TIAM1: variants seen among roughly 807,000 people sequenced by gnomAD.
The protein encoded by TIAM1 is rho guanine nucleotide exchange factor TIAM1.
In TIAM1, 65 loss-of-function variants were observed where a neutral mutation model predicts 163.5. The observed-to-expected ratio is 0.40, with a 90% CI of 0.33 to 0.49. The LOEUF (loss-of-function observed/expected upper bound fraction) is 0.49. Among genes scored for constraint, TIAM1 ranks in the 20% least tolerant of loss-of-function variants. TIAM1 has a pLI of 0.77. For synonymous variants in TIAM1, 833 were observed against 810.1 expected (o/e 1.03, Z -0.48); for missense variants, 1,789 against 2,044.7 (o/e 0.87, Z 2.41).
chr21:31,141,064 C>G lies in TIAM1; in HGVS notation c.3774+54G>C, dbSNP rs1348813047. On this transcript the variant is annotated intron_variant, in intron 22 of 27. Transcript: ENST00000541036. This position sits in a 1 kb window ranked among gnomAD's most constrained non-coding sequence, Gnocchi z 4.7. The stretch of plus-strand genomic sequence containing the variant: ...TAAAAAATAAATAAATAAATAAAAG[C>G]AAACTCAAACTCGGCTTTCCTGACA... 17 of 1,367,994 alleles carry G rather than the reference C, an allele frequency of 1.2e-5. No individual in the cohort carries two copies. In the African/African-American group the frequency reaches 2.5e-4, roughly 20 times the overall value. The allele number at this position is 1,367,994 out of a possible 1,614,324, so 84.7% of individuals were successfully genotyped here. A position where few individuals can be genotyped will look rare whatever the true frequency, so the allele number is the denominator to read the frequency against.
At chr21:31,172,094 A>G (rs757695106) in intron 15 of TIAM1, among the ~76,000 whole-genome samples, 35 of 152,170 alleles carry the variant, frequency 2.3e-4, no homozygotes, top group Non-Finnish European at 3.5e-4. Context: ...TAGATAACCA[A>G]TAAGTGGTGA....
chr21:31,347,807 C>T (rs1328930508), upstream of TIAM1, among the ~76,000 whole-genome samples: 2 of 140,860 alleles, frequency 1.4e-5, no homozygotes, highest in Non-Finnish European at 2.9e-5. Flanking sequence ...CAAACCCTGA[C>T]AACTTTATGC....
chr21:31,449,962 G>A (rs1430929874), intron 2 of TIAM1, among the ~76,000 whole-genome samples: 5 of 152,134 alleles, frequency 3.3e-5, no homozygotes, highest in Admixed American at 2.0e-4. Flanking sequence ...GGGCCTGGGG[G>A]ACTTCCTTTG....
At chr21:31,430,219 AAAAAAAAT>A (rs1409216497) in intron 2 of TIAM1, among the ~76,000 whole-genome samples, 121 of 110,958 alleles carry the variant, frequency 1.1e-3, no homozygotes, top group African/African-American at 5.2e-3. Flanking sequence ...AGAAAAAAAA[AAAAAAAAT>A]ATATATATAT....
At chr21:31,267,036 T>C in intron 3 of TIAM1, 53 bp from the exon 4 acceptor site, 1 of 1,518,834 alleles carries the variant, frequency 6.6e-7, no homozygotes, top group South Asian at 1.3e-5. Flanking sequence ...AGTACAGGTA[T>C]AGGCATCTTA....
At chr21:31,422,462 T>G (rs1168780012) in intron 2 of TIAM1, among the ~76,000 whole-genome samples, 2 of 152,104 alleles carry the variant, frequency 1.3e-5, no homozygotes, top group African/African-American at 4.8e-5. Context: ...CCACCCAAGA[T>G]CCTGATGCAA....
At position 31,202,960 on chromosome 21, in the gene TIAM1, T is replaced by C. The variant is rs1166861045; in HGVS notation, c.2441A>G (p.Glu814Gly). The change falls in exon 12 of 28, where the codon GAA (glutamate) becomes GGA (glycine). Residue 814 changes from glutamate to glycine, a missense_variant. By Grantham distance (98) the Glu-to-Gly change is moderately conservative (BLOSUM62 -2). Coordinates refer to ENST00000541036, the MANE Select transcript of TIAM1 (RefSeq NM_001353694.2). ...TGGAACATAGAGCTGCATTTTGTTT[T>C]CTATTAGAAATTTCAGGCGCAGGTA... ...AHYLRLKFLI[E>G]NKMQLYVPQP... 1.2e-6 allele frequency: 2 copies of C among 1,614,198 alleles called. No homozygotes were observed. Among genetic ancestry groups the C allele is most frequent in the East Asian group, 4.5e-5 (2 of 44,880 alleles).
At chr21:31,518,416 T>G (rs1012038124) in intron 1 of TIAM1, among the ~76,000 whole-genome samples, 1 of 152,064 alleles carries the variant, frequency 6.6e-6, no homozygotes, top group African/African-American at 2.4e-5. Flanking sequence ...GCCTCCCAAG[T>G]AGCTGAGATT....
At chr21:31,552,206 C>T (rs944753300) in intron 1 of TIAM1, among the ~76,000 whole-genome samples, 3 of 151,552 alleles carry the variant, frequency 2.0e-5, no homozygotes, top group South Asian at 2.1e-4. Flanking sequence ...TACAGGTGTG[C>T]GCCACCACAC....
In TIAM1 at chr21:31,133,287, A is replaced by G. The variant is rs116043138; in HGVS notation, c.3884-2339T>C. 3.6e-3 allele frequency among the ~76,000 whole-genome samples: 546 copies of G among 151,886 alleles called. 4 individuals are homozygous for G. Among genetic ancestry groups the G allele is most frequent in the African/African-American group, 0.013 (518 of 41,396 alleles). On this transcript the variant is annotated intron_variant, in intron 23 of 27. Coordinates refer to ENST00000541036, the MANE Select transcript of TIAM1 (RefSeq NM_001353694.2). Reference sequence around the variant, plus strand: ...AATCCTTCCCCTTCTCTTTCCTATTACTCTGGAGAGGATTCTGAATAATGA... The same window carrying G: ...AATCCTTCCCCTTCTCTTTCCTATTGCTCTGGAGAGGATTCTGAATAATGA...
intron 1 of TIAM1, among the ~76,000 whole-genome samples, chr21:31,545,593 C>A (rs2048461391): frequency 1.3e-5 from 2 of 152,018 alleles, no homozygotes; most frequent in Admixed American, 6.6e-5. Flanking sequence ...AGACTAGTGT[C>A]TAAGGAGAAA....
Position 31,317,013 on chromosome 21 carries a change from GATA to G in TIAM1, c.-189+22227_-189+22229del, listed in dbSNP as rs556786027. 3.0e-4 allele frequency among the ~76,000 whole-genome samples: 45 copies of G among 152,022 alleles called. No homozygotes were observed. In the South Asian group the frequency reaches 4.8e-3, roughly 16 times the overall value. ...CACAACCTCAAATCCTATATTTACCGATAATAAAGCTGAGCTTTTGGTCTCCAC... is the reference window on the plus strand; with the variant it reads ...CACAACCTCAAATCCTATATTTACCGATAAAGCTGAGCTTTTGGTCTCCAC... On this transcript the variant is annotated intron_variant, in intron 2 of 27. Coordinates refer to ENST00000541036, the MANE Select transcript of TIAM1 (RefSeq NM_001353694.2).
intron 2 of TIAM1, among the ~76,000 whole-genome samples, chr21:31,411,434 G>A (rs1425290117): frequency 1.3e-5 from 2 of 150,886 alleles, no homozygotes; most frequent in Non-Finnish European, 2.9e-5. Context: ...AGCAGCCGTG[G>A]AAGATAAATG....
At position 31,120,517 on chromosome 21, in the gene TIAM1, G is replaced by A. The variant is rs191230748; in HGVS notation, c.4627C>T (p.Leu1543=). The change falls in exon 28 of 28, where the codon CTG becomes TTG. Residue 1543 remains leucine (L), a synonymous_variant. Transcript: ENST00000541036. This position sits in a 1 kb window ranked among gnomAD's most constrained non-coding sequence, Gnocchi z 4.2. ...GCCATGCGGGACGCGTGACTATCCA[G>A]GGTTTTCCGGCCTCTTTCCCGCTGA... ...ISQRERGRKT[L]DSHASRMAQL... is the part of the protein sequence containing the mutation. 6 of 1,614,222 alleles carry A rather than the reference G, an allele frequency of 3.7e-6. No homozygotes were observed. In the Admixed American group the frequency reaches 1.0e-4, roughly 27 times the overall value.
intron 4 of TIAM1, among the ~76,000 whole-genome samples, chr21:31,262,001 C>CCACAGAA (rs933918154): frequency 1.3e-5 from 2 of 152,168 alleles, no homozygotes; most frequent in Admixed American, 1.3e-4. Flanking sequence ...CCAAAGCTTC[C>CCACAGAA]CACAGAACAC....
chr21:31,477,196 A>G (rs752066781), intron 1 of TIAM1, among the ~76,000 whole-genome samples: 23 of 152,320 alleles, frequency 1.5e-4, no homozygotes, highest in Non-Finnish European at 1.8e-4. Context: ...GGAGGTTTCC[A>G]CAGTCTGTGA....
intron 1 of TIAM1, among the ~76,000 whole-genome samples, chr21:31,549,025 A>G (rs1259810575): frequency 6.6e-6 from 1 of 152,230 alleles, no homozygotes; most frequent in Non-Finnish European, 1.5e-5. Flanking sequence ...CAAAAGTTTA[A>G]CACCCAAAAG....
intron 2 of TIAM1, among the ~76,000 whole-genome samples, chr21:31,449,512 G>T (rs917722000): frequency 3.3e-5 from 5 of 151,834 alleles, no homozygotes; most frequent in African/African-American, 1.2e-4. Context: ...CTGAGTAGCT[G>T]GGATTACAGT....
chr21:31,127,277 T>C, intron 25 of TIAM1, 125 bp from the exon 26 acceptor site: 1 of 812,564 alleles, frequency 1.2e-6, no homozygotes, highest in Non-Finnish European at 2.0e-6. Flanking sequence ...AGATCAAAGA[T>C]ATTTTCCTAC....
Sources: allele counts gnomAD v4.1 joint callset (sites outside exome capture counted in the v4.1 genomes callset), GRCh38; gene constraint gnomAD v4.1.1; non-coding constraint Gnocchi (gnomAD v3.1); transcripts MANE v1.5; gene names NCBI Gene and HGNC (gene_info 2026-07-23, HGNC 2026-07-21).